Variants in BBS4 observed in about 807,000 individuals in gnomAD.
The protein encoded by BBS4 is BBSome complex member BBS4.
In BBS4, 58 loss-of-function variants were observed where a neutral mutation model predicts 71.4. That is an observed-to-expected ratio of 0.81 (90% confidence interval 0.66 to 1.01). BBS4 has a LOEUF of 1.01. Among genes scored for constraint, BBS4 ranks in the 50% least tolerant of loss-of-function variants. BBS4 has a pLI of 0.00. For synonymous variants in BBS4, 228 were observed against 216.8 expected (o/e 1.05, Z -0.46); for missense variants, 660 against 607.9 (o/e 1.09, Z -0.90).
intron 2 of BBS4, among the ~76,000 whole-genome samples, chr15:72,698,552 T>A (rs1449353439): frequency 6.6e-6 from 1 of 152,240 alleles, no homozygotes; most frequent in Non-Finnish European, 1.5e-5. Context: ...TGTTGTAGCA[T>A]GTGTCAGAAT....
chr15:72,711,875 CTT>C (rs58585635), intron 3 of BBS4, among the ~76,000 whole-genome samples: 2 of 148,838 alleles, frequency 1.3e-5, no homozygotes, highest in South Asian at 4.3e-4. Flanking sequence ...TATTTGTTTT[CTT>C]TTTTTTTTCA....
rs535258643 is a variant in BBS4, at chr15:72,721,937, C to T, written c.406-857C>T. Among the ~76,000 whole-genome samples, 39 of 152,300 alleles carry T rather than the reference C, an allele frequency of 2.6e-4. 1 individual carries two copies. The highest frequency in any genetic ancestry group is 1.0e-3 in the Admixed American group (16 of 15,294). Reference sequence around the variant, plus strand: ...GTCTTTTAGTGAAGCAGAACTGGAACGCTTCAGCATCCAAGGTAGCTACTC... The same window carrying T: ...GTCTTTTAGTGAAGCAGAACTGGAATGCTTCAGCATCCAAGGTAGCTACTC... On this transcript the variant is annotated intron_variant, in intron 6 of 15. Coordinates refer to ENST00000268057, the MANE Select transcript of BBS4 (RefSeq NM_033028.5).
At chr15:72,733,741 CATGTGTCTTTATGGCA>C (rs2065871132) in intron 12 of BBS4, among the ~76,000 whole-genome samples, 1 of 152,176 alleles carries the variant, frequency 6.6e-6, no homozygotes, top group South Asian at 2.1e-4. Context: ...CACACACATG[CATGTGTCTTTATGGCA>C]GAACGATTTA....
intron 1 of BBS4, chr15:72,686,531 A>G (rs1406938157): frequency 2.7e-6 from 4 of 1,496,270 alleles, no homozygotes; most frequent in Non-Finnish European, 2.7e-6. Context: ...CTCTTACCGT[A>G]GTGCCATCTT....
At position 72,737,370 on chromosome 15, in the gene BBS4, A is replaced by C. The variant is rs2065946519; in HGVS notation, c.1451-108A>C. The C allele has an allele frequency of 6.2e-6, 6 of 962,068 alleles. No individual in the cohort carries two copies. The South Asian group carries it at 8.4e-5, about 13-fold the overall frequency. 59.6% of individuals were successfully genotyped at this position (962,068 alleles called of 1,614,324 possible). ...CCCTTATAGTTAATGGGTCAGTCCC[A>C]CTGGTTCCAGAAAATATGGGGTTTC... On this transcript the variant is annotated intron_variant, in intron 15 of 15. Coordinates refer to ENST00000268057, the MANE Select transcript of BBS4 (RefSeq NM_033028.5).
At chr15:72,704,882 AAAAAC>A (rs543644919) in intron 2 of BBS4, among the ~76,000 whole-genome samples, 1,665 of 152,160 alleles carry the variant, frequency 0.011, 14 homozygotes, top group African/African-American at 0.033. Flanking sequence ...TCCATCTCAA[AAAAAC>A]AAAACAAAAC....
intron 4 of BBS4, 98 bp from the exon 5 acceptor site, chr15:72,715,193 G>A (rs2151023146): frequency 1.2e-6 from 1 of 806,704 alleles, no homozygotes; most frequent in Non-Finnish European, 2.1e-6. Context: ...TACTTGATGT[G>A]GTTTCCCAGT....
At chr15:72,726,776 G>A (rs934099871) in intron 8 of BBS4, among the ~76,000 whole-genome samples, 2 of 152,202 alleles carry the variant, frequency 1.3e-5, no homozygotes, top group African/African-American at 4.8e-5. Flanking sequence ...GTGCTAGGTA[G>A]TAGCCCTGAT....
intron 8 of BBS4, 67 bp downstream of exon 8, chr15:72,724,722 A>G: frequency 1.3e-6 from 2 of 1,583,532 alleles, no homozygotes; most frequent in South Asian, 1.1e-5. Context: ...GTGAACTCCC[A>G]AGCCTAAAAG....
At chr15:72,729,110 A>G (rs1160295732) in intron 9 of BBS4, among the ~76,000 whole-genome samples, 1 of 149,172 alleles carries the variant, frequency 6.7e-6, no homozygotes, top group Non-Finnish European at 1.5e-5. Context: ...AAGGAAAACC[A>G]TGACTGGGGA....
intron 6 of BBS4, among the ~76,000 whole-genome samples, chr15:72,721,208 T>G (rs2065569138): frequency 6.6e-6 from 1 of 152,220 alleles, no homozygotes; most frequent in Non-Finnish European, 1.5e-5. Flanking sequence ...TAATTGGAAA[T>G]TTTAACGTAA....
At chr15:72,710,921 G>T (rs921486021) in intron 3 of BBS4, among the ~76,000 whole-genome samples, 2 of 150,910 alleles carry the variant, frequency 1.3e-5, no homozygotes, top group African/African-American at 4.9e-5. Flanking sequence ...CTCCCAAGTC[G>T]CTGGGATTAC....
In BBS4 at chr15:72,737,443, G is replaced by C. The variant is rs375469023; in HGVS notation, c.1451-35G>C. 3 of 1,524,484 alleles carry C rather than the reference G, an allele frequency of 2.0e-6. No individual in the cohort carries two copies. In the African/African-American group the frequency reaches 4.1e-5, roughly 21 times the overall value. 94.4% of individuals were successfully genotyped at this position (1,524,484 alleles called of 1,614,324 possible). A position where few individuals can be genotyped will look rare whatever the true frequency, so the allele number is the denominator to read the frequency against. ...AAGAATGATTTCTTCTGAAATTGTG[G>C]AACATGAGGATTCAAGTTTTTATTT... is the stretch of plus-strand genomic sequence containing the variant. On this transcript the variant is annotated intron_variant, in intron 15 of 15. Coordinates refer to ENST00000268057, the MANE Select transcript of BBS4 (RefSeq NM_033028.5).
chr15:72,711,812 A>G (rs564787986), intron 3 of BBS4, among the ~76,000 whole-genome samples: 1 of 152,218 alleles, frequency 6.6e-6, no homozygotes, highest in South Asian at 2.1e-4. Flanking sequence ...GGCATTATTA[A>G]TACTCTAGGT....
Position 72,687,124 on chromosome 15 carries a change from C to CTTTTTTTTT in BBS4, c.24+875_24+883dup, listed in dbSNP as rs1458417621. 1.4e-4 allele frequency among the ~76,000 whole-genome samples: 11 copies of CTTTTTTTTT among 76,210 alleles called. 2 individuals are homozygous for CTTTTTTTTT. Among genetic ancestry groups the CTTTTTTTTT allele is most frequent in the African/African-American group, 4.4e-4 (9 of 20,524 alleles). 50.0% of individuals were successfully genotyped at this position (76,210 alleles called of 152,430 possible). ...AATTAGAAAACTCTGAAGACAGAAA[C>CTTTTTTTTT]TTTTTTTTTTGAGACGGAGTGTCGC... On this transcript the variant is annotated intron_variant, in intron 1 of 15. Transcript: ENST00000268057.
At chr15:72,699,845 A>G (rs1263018065) in intron 2 of BBS4, among the ~76,000 whole-genome samples, 1 of 152,214 alleles carries the variant, frequency 6.6e-6, no homozygotes, top group Non-Finnish European at 1.5e-5. Context: ...AATGCTGTTT[A>G]GTATTCAGTT....
intron 1 of BBS4, among the ~76,000 whole-genome samples, chr15:72,688,453 G>T (rs1465851846): frequency 1.1e-5 from 1 of 88,176 alleles, no homozygotes; most frequent in South Asian, 4.0e-4. Context: ...TCACTTTGTC[G>T]CCCTGTCTGG....
At chr15:72,734,028 G>A (rs1157315846) in intron 12 of BBS4, among the ~76,000 whole-genome samples, 2 of 152,196 alleles carry the variant, frequency 1.3e-5, no homozygotes, top group Admixed American at 1.3e-4. Flanking sequence ...CAGTGATAGA[G>A]TTTTTCATAT....
At position 72,731,370 on chromosome 15, in the gene BBS4, C is replaced by T. The variant is rs200469783; in HGVS notation, c.777C>T (p.Tyr259=). 18 of 1,614,158 alleles carry T rather than the reference C, an allele frequency of 1.1e-5. No homozygotes were observed. In the Admixed American group the frequency reaches 3.0e-4, roughly 27 times the overall value. The change falls in exon 11 of 16, where the codon TAC becomes TAT. Residue 259 remains tyrosine (Y), a synonymous_variant. Transcript: ENST00000268057. ...ACTTTGATGTTGCCCTCACCAAATA[C>T]AGAGTTGTGGCTTGTGCTGTTCCAG... The part of the protein sequence containing the change: ...HGDFDVALTK[Y]RVVACAVPES...
Sources: gnomAD v4.1 joint callset for allele counts (sites outside exome capture counted in the v4.1 genomes callset) on GRCh38, gnomAD v4.1.1 for gene constraint, MANE v1.5 for transcripts, NCBI Gene and HGNC (gene_info 2026-07-23, HGNC 2026-07-21) for gene names.